STK32B: variants seen among roughly 807,000 people sequenced by gnomAD.
The protein encoded by STK32B is serine/threonine kinase 32B.
Under a neutral mutation model 52.6 loss-of-function variants are expected in STK32B, and 43 were observed. The observed-to-expected ratio is 0.82, with a 90% CI of 0.64 to 1.05. The LOEUF (loss-of-function observed/expected upper bound fraction) is 1.05, where lower values mean the gene tolerates loss of function less well. Ranked by LOEUF, STK32B falls within the 50% of genes least tolerant of loss-of-function variation. STK32B has a pLI of 0.00. For missense variants in STK32B, 621 were observed against 534.6 expected (o/e 1.16, Z -1.59); for synonymous variants, 238 against 204.3 (o/e 1.17, Z -1.41).
chr4:5,385,058 C>G (rs2109027854), intron 4 of STK32B, among the ~76,000 whole-genome samples: 1 of 152,268 alleles, frequency 6.6e-6, no homozygotes, highest in East Asian at 1.9e-4. Flanking sequence ...CGAGCGTCCA[C>G]AGGTGACTGC....
At chr4:5,110,497 A>G (rs1714344416) in intron 1 of STK32B, among the ~76,000 whole-genome samples, 1 of 151,710 alleles carries the variant, frequency 6.6e-6, no homozygotes, top group Non-Finnish European at 1.5e-5. Context: ...GACAAAAATA[A>G]AAAATGGGAA....
intron 2 of STK32B, among the ~76,000 whole-genome samples, chr4:5,161,444 A>G (rs1718438387): frequency 6.6e-6 from 1 of 152,202 alleles, no homozygotes; most frequent in Non-Finnish European, 1.5e-5. Flanking sequence ...TCTTGGCCTC[A>G]TGATCACAAG....
At chr4:5,191,056 C>T (rs1721160947) in intron 3 of STK32B, among the ~76,000 whole-genome samples, 1 of 152,152 alleles carries the variant, frequency 6.6e-6, no homozygotes, top group African/African-American at 2.4e-5. Flanking sequence ...CAGCCAGTGG[C>T]ATCTTATCTG....
At chr4:5,382,987 C>G (rs1560369453) in intron 4 of STK32B, among the ~76,000 whole-genome samples, 1 of 152,162 alleles carries the variant, frequency 6.6e-6, no homozygotes, top group African/African-American at 2.4e-5. Context: ...AGGATACTCA[C>G]AGAGAGATTG....
At chr4:5,483,384 T>C (rs562040763) in intron 11 of STK32B, among the ~76,000 whole-genome samples, 3 of 152,104 alleles carry the variant, frequency 2.0e-5, no homozygotes, top group South Asian at 2.1e-4. Flanking sequence ...TAGAGGTGTT[T>C]ATAGTGTTCT....
intron 3 of STK32B, among the ~76,000 whole-genome samples, chr4:5,324,152 A>T (rs1731720284): frequency 6.6e-6 from 1 of 152,220 alleles, no homozygotes; most frequent in African/African-American, 2.4e-5. Flanking sequence ...TCGGGAGTTC[A>T]AGACCAGTCT....
In STK32B at chr4:5,449,510, G is replaced by A. The variant is rs577206437; in HGVS notation, c.666+2734G>A. Among the ~76,000 whole-genome samples, 16 of 152,350 alleles carry A rather than the reference G, an allele frequency of 1.1e-4. No homozygotes were observed. In the East Asian group the frequency reaches 2.7e-3, roughly 26 times the overall value. The stretch of plus-strand genomic sequence containing the variant: ...AGGAGCCAAGCATGCTTTATGGACA[G>A]CAGAGGGACCAAGTCCTGTTGGCAG... On this transcript the variant is annotated intron_variant, in intron 7 of 11. Transcript: ENST00000282908.
intron 4 of STK32B, among the ~76,000 whole-genome samples, chr4:5,365,870 G>A (rs1734842106): frequency 6.6e-6 from 1 of 152,152 alleles, no homozygotes; most frequent in Non-Finnish European, 1.5e-5. Flanking sequence ...TAACAATCAG[G>A]CCGAGGGCGT....
chr4:5,085,657 A>G (rs1712692500), intron 1 of STK32B, among the ~76,000 whole-genome samples: 1 of 152,224 alleles, frequency 6.6e-6, no homozygotes, highest in East Asian at 1.9e-4. Flanking sequence ...TAAAAGCAAT[A>G]AAAAAGCATT....
intron 1 of STK32B, among the ~76,000 whole-genome samples, chr4:5,117,264 T>C (rs556531774): frequency 6.6e-6 from 1 of 152,366 alleles, no homozygotes; most frequent in South Asian, 2.1e-4. Flanking sequence ...GGGTATGATG[T>C]AAGCTGTGGT....
At chr4:5,042,975 G>A in the STK32B span, among the ~76,000 whole-genome samples, 2 of 151,558 alleles carry the variant, frequency 1.3e-5, no homozygotes, top group Non-Finnish European at 2.9e-5. Context: ...GCGCGGTGGC[G>A]GGCGCCTGTA....
chr4:5,302,726 C>T (rs1488186589), intron 3 of STK32B, among the ~76,000 whole-genome samples: 2 of 151,986 alleles, frequency 1.3e-5, no homozygotes, highest in African/African-American at 2.4e-5. Flanking sequence ...ACACTGTACC[C>T]GATGTGTAGT....
the STK32B span, among the ~76,000 whole-genome samples, chr4:5,023,830 A>G: frequency 2.0e-5 from 3 of 152,166 alleles, no homozygotes; most frequent in African/African-American, 7.2e-5. Context: ...GCTCCCAGAC[A>G]CAAACCCTGC....
At chr4:5,479,129 T>G (rs540697912) in intron 11 of STK32B, among the ~76,000 whole-genome samples, 721 of 149,630 alleles carry the variant, frequency 4.8e-3, no homozygotes, top group Middle Eastern at 0.01. Flanking sequence ...TTTTGTTTTT[T>G]TTTTTTTTTA....
At chr4:5,446,940 C>T in intron 7 of STK32B, 164 bp downstream of exon 7, 1 of 612,636 alleles carries the variant, frequency 1.6e-6, no homozygotes, top group South Asian at 1.9e-5. Context: ...CCTATGAACG[C>T]CCTGAACTTC....
chr4:5,420,920 A>G (rs1712585834), intron 6 of STK32B, among the ~76,000 whole-genome samples: 1 of 151,994 alleles, frequency 6.6e-6, no homozygotes, highest in Non-Finnish European at 1.5e-5. Flanking sequence ...TTTTTTTAAG[A>G]CAGAGTTTCA....
intron 4 of STK32B, among the ~76,000 whole-genome samples, chr4:5,358,575 A>G (rs1009415361): frequency 4.1e-5 from 6 of 145,838 alleles, no homozygotes; most frequent in East Asian, 1.9e-4. Context: ...ATTAAGATGG[A>G]AAAAAAAACC....
At chr4:5,367,158 T>C (rs1157039773) in intron 4 of STK32B, among the ~76,000 whole-genome samples, 1 of 152,160 alleles carries the variant, frequency 6.6e-6, no homozygotes, top group Admixed American at 6.5e-5. Context: ...TAAGCTAAAA[T>C]AGAAATGTAA....
chr4:5,038,991 T>C, the STK32B span, among the ~76,000 whole-genome samples: 1 of 149,370 alleles, frequency 6.7e-6, no homozygotes, highest in Non-Finnish European at 1.5e-5. Flanking sequence ...CTTTCTTTTT[T>C]TTTTTTTTTT....
Sources: allele counts gnomAD v4.1 joint callset (sites outside exome capture counted in the v4.1 genomes callset), GRCh38; gene constraint gnomAD v4.1.1; transcripts MANE v1.5; gene names NCBI Gene and HGNC (gene_info 2026-07-23, HGNC 2026-07-21).